The following VIT variants were observed in gnomAD, a reference collection of about 807,000 sequenced individuals.
VIT encodes the protein vitrin.
A neutral mutation model predicts 78.0 loss-of-function variants in VIT; 99 were observed. The observed-to-expected ratio is 1.27, with a 90% CI of 1.08 to 1.50. VIT has a LOEUF of 1.50. VIT is among the 40% of genes most tolerant of loss of function. The pLI is 0.00. For synonymous variants in VIT, 374 were observed against 334.3 expected, an observed-to-expected ratio of 1.12 and a Z score of -1.29; for missense variants, 1,126 against 875.3, an observed-to-expected ratio of 1.29 and a Z score of -3.61.
intron 12 of VIT, among the ~76,000 whole-genome samples, chr2:36,788,293 G>A (rs538509896): frequency 6.6e-5 from 10 of 152,152 alleles, no homozygotes; most frequent in African/African-American, 1.2e-4. Context: ...GGTCTCCAGC[G>A]CCTTCAGAGG....
In VIT at chr2:36,805,466, C is replaced by T. The variant is rs988603118; in HGVS notation, c.1191C>T (p.Asn397=). ...VGRAISFVTK[N]FFSKANGNRS... ...GGGCCATCTCCTTTGTGACCAAGAA[C>T]TTCTTTTCCAAAGCCAATGGAAACA... The change falls in exon 14 of 16, where the codon AAC becomes AAT. Residue 397 remains asparagine (N), a synonymous_variant. Coordinates refer to ENST00000379242, the MANE Select transcript of VIT (RefSeq NM_053276.4). 6.8e-6 allele frequency: 11 copies of T among 1,612,950 alleles called. No individual in the cohort carries two copies. The Admixed American group carries it at 1.5e-4, about 22-fold the overall frequency.
At chr2:36,810,955 A>G (rs1667120143) in intron 15 of VIT, among the ~76,000 whole-genome samples, 2 of 152,138 alleles carry the variant, frequency 1.3e-5, no homozygotes, top group African/African-American at 4.8e-5. Context: ...ATTTAATTTC[A>G]GTTATTTGGC....
chr2:36,757,722 A>C (rs1216947501), intron 5 of VIT, among the ~76,000 whole-genome samples: 1 of 152,250 alleles, frequency 6.6e-6, no homozygotes, highest in South Asian at 2.1e-4. Context: ...AAATTTTTGC[A>C]TCTCTATGGA....
chr2:36,799,755 G>C (rs1295029565), intron 12 of VIT, among the ~76,000 whole-genome samples: 2 of 151,286 alleles, frequency 1.3e-5, no homozygotes, highest in African/African-American at 4.9e-5. Context: ...TGAAAACTTA[G>C]TAGCCTCTAT....
chr2:36,803,207 C>T (rs1421210351), intron 13 of VIT, among the ~76,000 whole-genome samples: 1 of 152,178 alleles, frequency 6.6e-6, no homozygotes, highest in African/African-American at 2.4e-5. Context: ...CGGACAGTAT[C>T]CCAGAGAAGT....
chr2:36,768,905 T>A (rs370676991), intron 7 of VIT, among the ~76,000 whole-genome samples: 1 of 152,208 alleles, frequency 6.6e-6, no homozygotes, highest in East Asian at 1.9e-4. Context: ...TAAGAATTAT[T>A]ATTATGCTAT....
chr2:36,795,169 T>C (rs894892437), intron 12 of VIT, among the ~76,000 whole-genome samples: 1 of 152,168 alleles, frequency 6.6e-6, no homozygotes, highest in Admixed American at 6.5e-5. Flanking sequence ...ATCTCTGGAT[T>C]CTGTATTTGC....
At chr2:36,714,027 G>A (rs964903241) in intron 1 of VIT, among the ~76,000 whole-genome samples, 4 of 152,150 alleles carry the variant, frequency 2.6e-5, no homozygotes, top group Non-Finnish European at 4.4e-5. Context: ...ATGTGATTTT[G>A]TTTTTATTTT....
rs751166847 is a variant in VIT, at chr2:36,814,205, C to T, written c.1926C>T (p.Gly642=). Residue 642 remains glycine, a synonymous_variant, in exon 16 of 16, where the codon GGC becomes GGT. Transcript: ENST00000379242. The part of the protein sequence containing the change: ...HLKGVITYAI[G]VAWAAQEELE... Reference sequence around the variant, plus strand: ...CAGGAGTGATCACCTATGCGATAGGCGTTGCCTGGGCTGCCCAAGAGGAGC... The same window carrying T: ...CAGGAGTGATCACCTATGCGATAGGTGTTGCCTGGGCTGCCCAAGAGGAGC... 8.1e-6 allele frequency: 13 copies of T among 1,614,112 alleles called. No individual in the cohort carries two copies. In the Admixed American group the frequency reaches 1.0e-4, roughly 12 times the overall value.
intron 9 of VIT, among the ~76,000 whole-genome samples, chr2:36,775,344 C>T (rs1669989138): frequency 6.6e-6 from 1 of 152,212 alleles, no homozygotes; most frequent in African/African-American, 2.4e-5. Flanking sequence ...TAAGCAGCCT[C>T]TTTGCCTCTC....
At chr2:36,789,394 CA>C (rs1484538405) in intron 12 of VIT, among the ~76,000 whole-genome samples, 1 of 152,236 alleles carries the variant, frequency 6.6e-6, no homozygotes, top group Non-Finnish European at 1.5e-5. Context: ...GTGGGACTAA[CA>C]GACCAGATAA....
Position 36,743,104 on chromosome 2 carries a change from G to A in VIT, c.123G>A (p.Val41=). The change falls in exon 4 of 16, where the codon GTG becomes GTA. Residue 41 remains valine (V), a synonymous_variant. Coordinates refer to ENST00000379242, the MANE Select transcript of VIT (RefSeq NM_053276.4). ...AKKIKRPKFT[V]PQINCDVKAG... ...GACCTCATTTTGTATTCCCAGCTGT[G>A]CCTCAGATCAACTGCGATGTCAAAG... The A allele has an allele frequency of 1.2e-6, 2 of 1,613,978 alleles. No homozygotes were observed. Among genetic ancestry groups the A allele is most frequent in the Non-Finnish European group, 1.7e-6 (2 of 1,179,928 alleles).
intron 13 of VIT, among the ~76,000 whole-genome samples, chr2:36,804,272 G>A (rs1666542834): frequency 6.6e-6 from 1 of 152,244 alleles, no homozygotes; most frequent in Non-Finnish European, 1.5e-5. Context: ...CTAGAACACA[G>A]TCTGTCAGTT....
intron 4 of VIT, among the ~76,000 whole-genome samples, chr2:36,750,542 A>G (rs1302263742): frequency 1.3e-5 from 2 of 152,134 alleles, no homozygotes; most frequent in African/African-American, 4.8e-5. Context: ...ACATGTAATC[A>G]CTAGGTGCGG....
intron 3 of VIT, among the ~76,000 whole-genome samples, chr2:36,740,775 A>C (rs1317575720): frequency 6.6e-6 from 1 of 152,248 alleles, no homozygotes; most frequent in Non-Finnish European, 1.5e-5. Context: ...AAGGAGGGAA[A>C]ATTGATTAGC....
chr2:36,706,779 G>A (rs375619858), intron 1 of VIT, among the ~76,000 whole-genome samples: 6 of 152,292 alleles, frequency 3.9e-5, no homozygotes, highest in African/African-American at 1.4e-4. Context: ...GATGTAACCA[G>A]GCTTTGAAAA....
intron 15 of VIT, among the ~76,000 whole-genome samples, chr2:36,811,797 C>T (rs1014975139): frequency 1.3e-5 from 2 of 151,864 alleles, no homozygotes; most frequent in African/African-American, 2.4e-5. Context: ...CTCAGTCTCC[C>T]GAGTAGCTGG....
At chr2:36,738,751 A>G (rs1667658391) in intron 3 of VIT, among the ~76,000 whole-genome samples, 1 of 152,244 alleles carries the variant, frequency 6.6e-6, no homozygotes, top group South Asian at 2.1e-4. Flanking sequence ...GCGAGACAAC[A>G]TGCATTTAGA....
chr2:36,701,787 G>A (rs1284451769), intron 1 of VIT, among the ~76,000 whole-genome samples: 5 of 152,104 alleles, frequency 3.3e-5, no homozygotes, highest in East Asian at 1.9e-4. Context: ...TGCCCAGACT[G>A]GCCGTGTTTA....
Sources: gnomAD v4.1 joint callset for allele counts (sites outside exome capture counted in the v4.1 genomes callset) on GRCh38, gnomAD v4.1.1 for gene constraint, MANE v1.5 for transcripts, NCBI Gene and HGNC (gene_info 2026-07-23, HGNC 2026-07-21) for gene names.